The following PCDHGB6 variants were observed in gnomAD, a reference collection of about 807,000 sequenced individuals.
PCDHGB6 encodes protocadherin gamma subfamily B, 6.
PCDHGB6 carries 51 observed loss-of-function variants against 59.1 expected under a neutral mutation model. The observed-to-expected ratio is 0.86, with a 90% CI of 0.69 to 1.09. The LOEUF is 1.09. Ranked by LOEUF, PCDHGB6 falls within the 50% of genes least tolerant of loss-of-function variation. The pLI, the probability that PCDHGB6 is intolerant of heterozygous loss-of-function variation, is 0.00. For synonymous variants in PCDHGB6, 466 were observed against 495.1 expected (o/e 0.94, Z 0.78); for missense variants, 1,148 against 1,205.1 (o/e 0.95, Z 0.70).
At position 141,477,879 on chromosome 5, in the gene PCDHGB6, A is replaced by T. The variant is rs932363258; in HGVS notation, c.2419-16928A>T. The T allele has an allele frequency of 3.4e-5, 55 of 1,614,060 alleles. No homozygotes were observed. The highest frequency in any genetic ancestry group is 4.6e-5 in the Non-Finnish European group (54 of 1,180,034). ...CTGCCTCGAGGTACCTCAGCTGGCCACCTAGTGTCACGGGTGGTAGGCTGG... is the reference window on the plus strand; with the variant it reads ...CTGCCTCGAGGTACCTCAGCTGGCCTCCTAGTGTCACGGGTGGTAGGCTGG... On this transcript the variant is annotated intron_variant, in intron 1 of 3. Coordinates refer to ENST00000520790, the MANE Select transcript of PCDHGB6 (RefSeq NM_018926.3). This position sits in a 1 kb window ranked among gnomAD's most constrained non-coding sequence, Gnocchi z 4.9.
chr5:141,438,601 T>C (rs2098005462), intron 1 of PCDHGB6, among the ~76,000 whole-genome samples: 6 of 26,284 alleles, frequency 2.3e-4, no homozygotes, highest in African/African-American at 1.3e-3. Flanking sequence ...CATATATATA[T>C]ATATATATAT....
chr5:141,430,622 A>T, intron 1 of PCDHGB6: 1 of 752,270 alleles, frequency 1.3e-6, no homozygotes, highest in Admixed American at 2.9e-5. Context: ...GATAGCTAGG[A>T]ATGAACCATC....
rs200524415 is a variant in PCDHGB6, at chr5:141,487,436, G to C, written c.2419-7371G>C. 1 of 1,614,176 alleles carries C rather than the reference G, an allele frequency of 6.2e-7. No individual in the cohort carries two copies. Among genetic ancestry groups the C allele is most frequent in the East Asian group, 2.2e-5 (1 of 44,870 alleles). ...CAATGGGATCCTCCGAATCCAGCTAGGGTCAGATGACCCTATCAAGTTTGT... is the reference window on the plus strand; with the variant it reads ...CAATGGGATCCTCCGAATCCAGCTACGGTCAGATGACCCTATCAAGTTTGT... On this transcript the variant is annotated intron_variant, in intron 1 of 3. Coordinates refer to ENST00000520790, the MANE Select transcript of PCDHGB6 (RefSeq NM_018926.3). This position sits in a 1 kb window ranked among gnomAD's most constrained non-coding sequence, Gnocchi z 5.0.
intron 1 of PCDHGB6, among the ~76,000 whole-genome samples, chr5:141,434,902 C>T (rs1591355042): frequency 6.6e-6 from 1 of 151,934 alleles, no homozygotes; most frequent in East Asian, 1.9e-4. Flanking sequence ...CCCCTTCCCT[C>T]ATACCTTATT....
At chr5:141,427,410 G>GA (rs1197961039) in intron 1 of PCDHGB6, 3 of 463,834 alleles carry the variant, frequency 6.5e-6, no homozygotes, top group African/African-American at 2.0e-5. Flanking sequence ...AGATTCGAGA[G>GA]AAAATGGGGA....
Position 141,490,369 on chromosome 5 carries a change from C to T in PCDHGB6, c.2419-4438C>T, listed in dbSNP as rs201347968. On this transcript the variant is annotated intron_variant, in intron 1 of 3. Transcript: ENST00000520790. This position sits in a 1 kb window ranked among gnomAD's most constrained non-coding sequence, Gnocchi z 5.4. ...AGTGGGGTTGTTTAATGTGCGAGAC[C>T]GGGACTCAGGTAGAAATGGTGAAGT... The T allele has an allele frequency of 4.0e-5, 64 of 1,614,090 alleles. No individual in the cohort carries two copies. In the Admixed American group the frequency reaches 6.0e-4, roughly 15 times the overall value.
chr5:141,492,723 C>T (rs896613323), intron 1 of PCDHGB6, among the ~76,000 whole-genome samples: 2 of 152,268 alleles, frequency 1.3e-5, no homozygotes, highest in African/African-American at 4.8e-5. Flanking sequence ...GGCGGACAGG[C>T]AGAGCTGCCC....
At chr5:141,417,872 T>G (rs2096175848) in intron 1 of PCDHGB6, 5 of 1,555,026 alleles carry the variant, frequency 3.2e-6, no homozygotes, top group African/African-American at 1.4e-5. Flanking sequence ...GGGAGGGAGC[T>G]GCGCGCAGAG....
rs34752215 is a variant in PCDHGB6 at position 141,427,657 on chromosome 5, A to C, written c.2418+17037A>C. The C allele has an allele frequency of 1.4e-3, 1,030 of 734,210 alleles. 5 individuals carry two copies. Among genetic ancestry groups the C allele is most frequent in the Middle Eastern group, 5.7e-3 (25 of 4,398 alleles). The allele number at this position is 734,210 out of a possible 1,614,324, so 45.5% of individuals were successfully genotyped here. On this transcript the variant is annotated intron_variant, in intron 1 of 3. Coordinates refer to ENST00000520790, the MANE Select transcript of PCDHGB6 (RefSeq NM_018926.3). The stretch of plus-strand genomic sequence containing the variant: ...TTCCACCAAGTCTCCTACGTGGTCC[A>C]CGTGGCCGAAAACAACCTTCCCGGA...
rs1228153118 is a variant in PCDHGB6 at position 141,433,077 on chromosome 5, C to G, written c.2418+22457C>G. 5.0e-6 allele frequency: 8 copies of G among 1,614,080 alleles called. No homozygotes were observed. The African/African-American group carries it at 6.7e-5, about 13-fold the overall frequency. On this transcript the variant is annotated intron_variant, in intron 1 of 3. Transcript: ENST00000520790. Reference sequence around the variant, plus strand: ...AAGAGTCACCTGATCTTCCCCCAGCCCAACTATGCAGACATGCTCGTCAGC... The same window carrying G: ...AAGAGTCACCTGATCTTCCCCCAGCGCAACTATGCAGACATGCTCGTCAGC...
intron 1 of PCDHGB6, among the ~76,000 whole-genome samples, chr5:141,482,435 A>G (rs2099559555): frequency 6.6e-6 from 1 of 150,568 alleles, no homozygotes; most frequent in South Asian, 2.1e-4. Flanking sequence ...GATAATACTG[A>G]TATTCACCAT....
chr5:141,423,273 G>C, intron 1 of PCDHGB6: 2 of 1,613,896 alleles, frequency 1.2e-6, no homozygotes, highest in Non-Finnish European at 1.7e-6. Flanking sequence ...TCGAGTCTCT[G>C]GCTAACTCTG....
Position 141,408,076 on chromosome 5 carries a change from A to C in PCDHGB6, c.-127A>C. On this transcript the variant is annotated 5_prime_UTR_variant, in exon 1 of 4. Transcript: ENST00000520790. The stretch of plus-strand genomic sequence containing the variant: ...CCTCCCGGCTGCGCAGACCTTTCCC[A>C]GCACAGCGGATTGCCAGCTCCGAGA... The C allele has an allele frequency of 7.1e-7, 1 of 1,399,800 alleles. No individual in the cohort carries two copies. The allele number at this position is 1,399,800 out of a possible 1,614,324, so 86.7% of individuals were successfully genotyped here.
rs1301800438 is a variant in PCDHGB6, at chr5:141,432,966, C to T, written c.2418+22346C>T. ...TCAGGAGGCGGCTTGACAGGAGCGC[C>T]GGCGTCGCACTTTGTGGGCGTGGAC... On this transcript the variant is annotated intron_variant, in intron 1 of 3. Coordinates refer to ENST00000520790, the MANE Select transcript of PCDHGB6 (RefSeq NM_018926.3). This position sits in a 1 kb window ranked among gnomAD's most constrained non-coding sequence, Gnocchi z 6.0. 1.2e-6 allele frequency: 2 copies of T among 1,614,066 alleles called. No homozygotes were observed. The highest frequency in any genetic ancestry group is 8.5e-7 in the Non-Finnish European group (1 of 1,180,052).
Position 141,485,281 on chromosome 5 carries a change from A to G in PCDHGB6, c.2419-9526A>G. 4 of 1,614,156 alleles carry G rather than the reference A, an allele frequency of 2.5e-6. No individual in the cohort carries two copies. In the South Asian group the frequency reaches 3.3e-5, roughly 13 times the overall value. Reference sequence around the variant, plus strand: ...GTGGGCAGATCCGCTACCCGGTCCCAGAGGAGTCACAGGAAGGGACTTTTG... The same window carrying G: ...GTGGGCAGATCCGCTACCCGGTCCCGGAGGAGTCACAGGAAGGGACTTTTG... On this transcript the variant is annotated intron_variant, in intron 1 of 3. Coordinates refer to ENST00000520790, the MANE Select transcript of PCDHGB6 (RefSeq NM_018926.3). The surrounding 1 kb of genome is among the most constrained non-coding windows in gnomAD (Gnocchi z 5.7).
Position 141,409,869 on chromosome 5 carries a change from A to G in PCDHGB6, c.1667A>G (p.Asn556Ser), listed in dbSNP as rs2095329006. 1.2e-6 allele frequency: 2 copies of G among 1,612,632 alleles called. No homozygotes were observed. Among genetic ancestry groups the G allele is most frequent in the African/African-American group, 1.3e-5 (1 of 74,898 alleles). Reference protein sequence around the residue: ...VSLRVLVGDRNDNAPRVLYPA... With the variant: ...VSLRVLVGDRSDNAPRVLYPA... The stretch of plus-strand genomic sequence containing the variant: ...CTGCGCGTGTTGGTGGGAGACCGCA[A>G]TGACAACGCACCGCGGGTGCTGTAC... Residue 556 changes from asparagine (N) to serine (S), a missense_variant, in exon 1 of 4, where the codon AAT becomes AGT. Physicochemically the swap from Asn to Ser is conservative, Grantham distance 46 (BLOSUM62 1). Coordinates refer to ENST00000520790, the MANE Select transcript of PCDHGB6 (RefSeq NM_018926.3).
At position 141,493,726 on chromosome 5, in the gene PCDHGB6, G is replaced by C. The variant is rs1032021616; in HGVS notation, c.2419-1081G>C. ...CTGGAATGCTAGGTTTCTGGGTTCT[G>C]CTCATATCACTGCCACCTGTGAGCC... On this transcript the variant is annotated intron_variant, in intron 1 of 3. Coordinates refer to ENST00000520790, the MANE Select transcript of PCDHGB6 (RefSeq NM_018926.3). This position sits in a 1 kb window ranked among gnomAD's most constrained non-coding sequence, Gnocchi z 4.3. Among the ~76,000 whole-genome samples, 2 of 152,154 alleles carry C rather than the reference G, an allele frequency of 1.3e-5. No individual in the cohort carries two copies. Among genetic ancestry groups the C allele is most frequent in the African/African-American group, 4.8e-5 (2 of 41,438 alleles).
intron 1 of PCDHGB6, chr5:141,427,503 A>C (rs1317684577): frequency 6.9e-6 from 4 of 578,118 alleles, no homozygotes; most frequent in Non-Finnish European, 9.8e-6. Flanking sequence ...AACAGATGGG[A>C]CCCTGGATTG....
chr5:141,451,322 T>C (rs1452969719), intron 1 of PCDHGB6, among the ~76,000 whole-genome samples: 1 of 152,236 alleles, frequency 6.6e-6, no homozygotes, highest in African/African-American at 2.4e-5. Flanking sequence ...AAGTGTCACC[T>C]AAGGCTATTG....
Sources: allele counts gnomAD v4.1 joint callset (sites outside exome capture counted in the v4.1 genomes callset), GRCh38; gene constraint gnomAD v4.1.1; non-coding constraint Gnocchi (gnomAD v3.1); transcripts MANE v1.5; gene names NCBI Gene and HGNC (gene_info 2026-07-23, HGNC 2026-07-21).